The following AGAP1 variants were observed in gnomAD, a reference collection of about 807,000 sequenced individuals.
AGAP1 encodes ArfGAP with GTPase domain, ankyrin repeat and PH domain 1, also known as arf-GAP with GTPase, ANK repeat and PH domain-containing protein 1.
Under a neutral mutation model 105.3 loss-of-function variants are expected in AGAP1, and 29 were observed. That is an observed-to-expected ratio of 0.28 (90% CI 0.21 to 0.38). AGAP1 has a LOEUF of 0.38. Among genes scored for constraint, AGAP1 ranks in the 10% least tolerant of loss-of-function variants. The pLI, the probability that AGAP1 is intolerant of heterozygous loss-of-function variation, is 1.00. For synonymous variants in AGAP1, 509 were observed against 485.9 expected, an observed-to-expected ratio of 1.05 and a Z score of -0.63; for missense variants, 998 against 1,165.1, an observed-to-expected ratio of 0.86 and a Z score of 2.09.
chr2:235,791,578 T>C (rs1406941705), intron 6 of AGAP1, among the ~76,000 whole-genome samples: 4 of 152,150 alleles, frequency 2.6e-5, no homozygotes, highest in Non-Finnish European at 5.9e-5. Flanking sequence ...TTCTTGCTCT[T>C]TGGCCAGACT....
At chr2:235,717,767 G>A (rs530011395) in intron 3 of AGAP1, 123 bp downstream of exon 3, 15 of 814,626 alleles carry the variant, frequency 1.8e-5, no homozygotes, top group African/African-American at 7.1e-5. Context: ...CATACCAAGC[G>A]GTAAAAACCC....
intron 1 of AGAP1, among the ~76,000 whole-genome samples, chr2:235,686,037 CTT>C (rs1301341539): frequency 6.6e-6 from 1 of 152,174 alleles, no homozygotes; most frequent in African/African-American, 2.4e-5. Flanking sequence ...AGGGCGATGA[CTT>C]TGAATAGAGT....
At chr2:235,528,250 C>T (rs1245636881) in intron 1 of AGAP1, among the ~76,000 whole-genome samples, 1 of 151,900 alleles carries the variant, frequency 6.6e-6, no homozygotes, top group African/African-American at 2.4e-5. Context: ...GGAACCTGGC[C>T]ACGTGGTTGG....
At chr2:235,907,206 C>G (rs916191699) in intron 10 of AGAP1, among the ~76,000 whole-genome samples, 1 of 152,222 alleles carries the variant, frequency 6.6e-6, no homozygotes, top group Non-Finnish European at 1.5e-5. Context: ...CCAACTATCT[C>G]TCTGCATCGG....
At position 235,582,575 on chromosome 2, in the gene AGAP1, C is replaced by G. The variant is rs1222451868; in HGVS notation, c.163+87726C>G. On this transcript the variant is annotated intron_variant, in intron 1 of 17. Coordinates refer to ENST00000304032, the MANE Select transcript of AGAP1 (RefSeq NM_001037131.3). The surrounding 1 kb of genome is among the most constrained non-coding windows in gnomAD (Gnocchi z 4.7). ...GATTAAAGGGATGCCACATTTTGAG[C>G]TTCTCAGATATAAAAGAAGGATTCT... 1.3e-5 allele frequency among the ~76,000 whole-genome samples: 2 copies of G among 152,158 alleles called. No individual in the cohort carries two copies. Among genetic ancestry groups the G allele is most frequent in the East Asian group, 3.9e-4 (2 of 5,190 alleles).
intron 15 of AGAP1, among the ~76,000 whole-genome samples, chr2:236,047,490 C>G (rs2057756899): frequency 6.6e-6 from 1 of 151,086 alleles, no homozygotes; most frequent in African/African-American, 2.4e-5. Flanking sequence ...AGCGTTGAGT[C>G]TCTGCATTTC....
chr2:235,834,518 C>T (rs1959883500), intron 9 of AGAP1, among the ~76,000 whole-genome samples: 5 of 152,226 alleles, frequency 3.3e-5, no homozygotes, highest in Admixed American at 2.0e-4. Flanking sequence ...CCCTGTCCTC[C>T]TCTGCAGCAT....
intron 9 of AGAP1, among the ~76,000 whole-genome samples, chr2:235,856,148 G>T (rs2048675929): frequency 6.6e-6 from 1 of 152,054 alleles, no homozygotes; most frequent in Admixed American, 6.6e-5. Flanking sequence ...TCCTGACCTT[G>T]TGAGCCACTC....
At chr2:235,653,277 A>G (rs1016086587) in intron 1 of AGAP1, among the ~76,000 whole-genome samples, 3 of 152,008 alleles carry the variant, frequency 2.0e-5, no homozygotes, top group Non-Finnish European at 4.4e-5. Flanking sequence ...CATCCTGGCT[A>G]TCACGGTGAA....
chr2:235,648,439 T>C (rs1458036340), intron 1 of AGAP1, among the ~76,000 whole-genome samples: 3 of 152,154 alleles, frequency 2.0e-5, no homozygotes, highest in Non-Finnish European at 4.4e-5. Context: ...TCACTAACAT[T>C]CAAGCACCTT....
At chr2:235,646,564 T>G (rs562652750) in intron 1 of AGAP1, among the ~76,000 whole-genome samples, 13 of 152,326 alleles carry the variant, frequency 8.5e-5, no homozygotes, top group East Asian at 1.9e-4. Flanking sequence ...GGGTTAGGCT[T>G]GCTGAATTTT....
chr2:235,513,690 C>T (rs1559214407), intron 1 of AGAP1, among the ~76,000 whole-genome samples: 1 of 152,146 alleles, frequency 6.6e-6, no homozygotes, highest in East Asian at 1.9e-4. Flanking sequence ...GCTTTGGGCA[C>T]TCCCAATCCA....
rs1026882656 is a variant in AGAP1, at chr2:235,992,886, G to A, written c.1645+24263G>A. 2.3e-4 allele frequency among the ~76,000 whole-genome samples: 35 copies of A among 152,110 alleles called. No homozygotes were observed. Among genetic ancestry groups the A allele is most frequent in the African/African-American group, 8.2e-4 (34 of 41,408 alleles). On this transcript the variant is annotated intron_variant, in intron 13 of 17. Transcript: ENST00000304032. This position sits in a 1 kb window ranked among gnomAD's most constrained non-coding sequence, Gnocchi z 4.8. Reference sequence around the variant, plus strand: ...GAGCTTGTGTTGGCCTCTTTCCGTCGTGAACCATGGACGTCTCTCCTTGAC... The same window carrying A: ...GAGCTTGTGTTGGCCTCTTTCCGTCATGAACCATGGACGTCTCTCCTTGAC...
intron 9 of AGAP1, among the ~76,000 whole-genome samples, chr2:235,880,155 T>C (rs570672544): frequency 6.6e-6 from 1 of 151,790 alleles, no homozygotes; most frequent in East Asian, 1.9e-4. Context: ...AAATGATGTC[T>C]TCACATGCCT....
At chr2:236,067,006 T>C (rs1426272937) in intron 16 of AGAP1, among the ~76,000 whole-genome samples, 1 of 146,042 alleles carries the variant, frequency 6.8e-6, no homozygotes, top group African/African-American at 2.5e-5. Flanking sequence ...TATCTGAAAA[T>C]GTCTTCTTCA....
At position 235,716,447 on chromosome 2, in the gene AGAP1, C is replaced by T. The variant is rs1020596827; in HGVS notation, c.223-1110C>T. Among the ~76,000 whole-genome samples the T allele has an allele frequency of 6.6e-6, 1 of 152,058 alleles. No individual in the cohort carries two copies. The highest frequency in any genetic ancestry group is 2.4e-5 in the African/African-American group (1 of 41,386). On this transcript the variant is annotated intron_variant, in intron 2 of 17. Transcript: ENST00000304032. This position sits in a 1 kb window ranked among gnomAD's most constrained non-coding sequence, Gnocchi z 4.0. ...CCTGGTAGCAACAGGGCCAGAGCTT[C>T]AGATAATTTGAGTGGAGGCAGGAGG...
At chr2:236,054,159 A>T (rs2057986621) in intron 16 of AGAP1, among the ~76,000 whole-genome samples, 1 of 152,116 alleles carries the variant, frequency 6.6e-6, no homozygotes, top group Admixed American at 6.5e-5. Flanking sequence ...GCACATGGAG[A>T]TATTGATAAA....
In AGAP1 at chr2:236,046,614, C is replaced by T. The variant is rs1341819183; in HGVS notation, c.1892-2445C>T. Among the ~76,000 whole-genome samples, 2 of 152,110 alleles carry T rather than the reference C, an allele frequency of 1.3e-5. No homozygotes were observed. The highest frequency in any genetic ancestry group is 4.8e-5 in the African/African-American group (2 of 41,416). ...AGGAGATTCTCCCAACTGAAATGTA[C>T]GTGGTCGTTGCGTATATAATAATTC... On this transcript the variant is annotated intron_variant, in intron 15 of 17. Transcript: ENST00000304032. The surrounding 1 kb of genome is among the most constrained non-coding windows in gnomAD (Gnocchi z 5.2).
intron 1 of AGAP1, among the ~76,000 whole-genome samples, chr2:235,499,720 T>C (rs1017789893): frequency 6.6e-6 from 1 of 152,176 alleles, no homozygotes; most frequent in African/African-American, 2.4e-5. Flanking sequence ...TGACCAGCCT[T>C]GCCTCGCCAG....
Sources: allele counts gnomAD v4.1 joint callset (sites outside exome capture counted in the v4.1 genomes callset), GRCh38; gene constraint gnomAD v4.1.1; non-coding constraint Gnocchi (gnomAD v3.1); transcripts MANE v1.5; gene names NCBI Gene and HGNC (gene_info 2026-07-23, HGNC 2026-07-21).